The following MLXIPL variants were observed in gnomAD, a reference collection of about 807,000 sequenced individuals.
MLXIPL encodes MLX interacting protein like, also known as carbohydrate-responsive element-binding protein.
MLXIPL carries 49 observed loss-of-function variants against 81.5 expected under a neutral mutation model. The observed-to-expected ratio is 0.60, with a 90% CI of 0.48 to 0.76. The LOEUF (loss-of-function observed/expected upper bound fraction) is 0.76, where lower values mean the gene tolerates loss of function less well. Among genes scored for constraint, MLXIPL ranks in the 30% least tolerant of loss-of-function variants. The probability of loss-of-function intolerance (pLI) is 0.00; values close to 1 mark genes in which losing one functional copy is unlikely to be tolerated. For missense variants in MLXIPL, 1,053 were observed against 1,167.0 expected (o/e 0.90, Z 1.42); for synonymous variants, 466 against 485.5 (o/e 0.96, Z 0.53).
intron 2 of MLXIPL, among the ~76,000 whole-genome samples, chr7:73,613,987 T>A (rs1795852629): frequency 6.6e-6 from 1 of 152,062 alleles, no homozygotes; most frequent in Non-Finnish European, 1.5e-5. Flanking sequence ...AAATACAAAA[T>A]TTGGCGGGTG....
chr7:73,611,521 A>G (rs1386872845), intron 2 of MLXIPL: 1 of 152,256 alleles, frequency 6.6e-6, no homozygotes, highest in East Asian at 1.9e-4. Context: ...CCTAAAGAAC[A>G]TTCTCCAAAA....
chr7:73,624,461 C>T lies in MLXIPL; in HGVS notation c.32G>A (p.Gly11Asp). Residue 11 changes from glycine to aspartate, a missense_variant, in exon 1 of 17, where the codon GGC becomes GAC. Gly to Asp is a moderately conservative substitution (Grantham distance 94). Coordinates refer to ENST00000313375, the MANE Select transcript of MLXIPL (RefSeq NM_032951.3). The part of the protein sequence containing the change: MAGALAGLAA[G>D]LQVPRVAPSP... ...GGGCGCGACCCGCGGGACCTGCAAG[C>T]CCGCGGCCAGACCTGCCAGCGCGCC... 1 of 1,546,896 alleles carries T rather than the reference C, an allele frequency of 6.5e-7. No individual in the cohort carries two copies. Among genetic ancestry groups the T allele is most frequent in the Non-Finnish European group, 8.7e-7 (1 of 1,154,302 alleles).
chr7:73,634,392 TAAAAGGA>T, the MLXIPL span, among the ~76,000 whole-genome samples: 1 of 152,192 alleles, frequency 6.6e-6, no homozygotes, highest in East Asian at 1.9e-4. Flanking sequence ...TTATTTACTT[TAAAAGGA>T]AAATTTTTTT....
Position 73,594,419 on chromosome 7 carries a change from G to A in MLXIPL, c.2311-16C>T, listed in dbSNP as rs782424717. 3.7e-6 allele frequency: 6 copies of A among 1,600,086 alleles called. No individual in the cohort carries two copies. The South Asian group carries it at 4.4e-5, about 12-fold the overall frequency. On this transcript the variant is annotated splice_polypyrimidine_tract_variant and intron_variant, in intron 15 of 16. Coordinates refer to ENST00000313375, the MANE Select transcript of MLXIPL (RefSeq NM_032951.3). ...GGATGCTGAACTGGGCCCAGGTCAAGGAGCTGCCTGTGGTCCAGCTGGTCC... is the reference window on the plus strand; with the variant it reads ...GGATGCTGAACTGGGCCCAGGTCAAAGAGCTGCCTGTGGTCCAGCTGGTCC...
chr7:73,633,523 T>C, the MLXIPL span, among the ~76,000 whole-genome samples: 1 of 152,116 alleles, frequency 6.6e-6, no homozygotes, highest in Non-Finnish European at 1.5e-5. Context: ...GGTTTCGTCA[T>C]GTTGCCCAGG....
intron 2 of MLXIPL, among the ~76,000 whole-genome samples, 181 bp from the exon 3 acceptor site, chr7:73,607,853 CTTT>C (rs1166806013): frequency 2.7e-5 from 3 of 110,350 alleles, no homozygotes; most frequent in Admixed American, 1.9e-4. Context: ...CTAGATCTTC[CTTT>C]TTTTTTTTTT....
intron 2 of MLXIPL, among the ~76,000 whole-genome samples, chr7:73,612,385 A>G (rs550939287): frequency 6.6e-6 from 1 of 152,044 alleles, no homozygotes; most frequent in South Asian, 2.1e-4. Flanking sequence ...TCACGCCTGT[A>G]ATCCCAGCAC....
chr7:73,605,833 C>A, intron 6 of MLXIPL, 65 bp from the exon 7 acceptor site: 1 of 1,582,030 alleles, frequency 6.3e-7, no homozygotes, highest in African/African-American at 1.3e-5. Flanking sequence ...CACCCCCATC[C>A]CCAGCCATCC....
In MLXIPL at chr7:73,597,014, A is replaced by T. The variant is rs1161207478; in HGVS notation, c.1604-82T>A. The T allele has an allele frequency of 5.3e-6, 8 of 1,523,470 alleles. No individual in the cohort carries two copies. The Admixed American group carries it at 1.6e-4, about 30-fold the overall frequency. 94.4% of individuals were successfully genotyped at this position (1,523,470 alleles called of 1,614,324 possible). ...AAGACCCCATCCTGCCCCTCCCAAG[A>T]GTCCACACCCCTTTTAGGTACAGGC... is the stretch of plus-strand genomic sequence containing the variant. On this transcript the variant is annotated intron_variant, in intron 9 of 16. Transcript: ENST00000313375.
At chr7:73,598,585 C>T (rs978147608) in intron 8 of MLXIPL, among the ~76,000 whole-genome samples, 3 of 152,224 alleles carry the variant, frequency 2.0e-5, no homozygotes, top group African/African-American at 7.2e-5. Context: ...CATCTGCACA[C>T]TTGCTCATTC....
chr7:73,597,337 G>A lies in MLXIPL; in HGVS notation c.1448C>T (p.Ala483Val), dbSNP rs782737967. ...ELLPLGYSEPAFGPCFSMPRG... is the reference protein window; with the variant it reads ...ELLPLGYSEPVFGPCFSMPRG... ...GGGCATGGAGAAGCAAGGCCCAAAG[G>A]CAGGCTCCGAATACCCCAAGGGTAG... The change falls in exon 9 of 17, where the codon GCC becomes GTC. Residue 483 changes from alanine to valine, a missense_variant. Coordinates refer to ENST00000313375, the MANE Select transcript of MLXIPL (RefSeq NM_032951.3). 5 of 1,536,542 alleles carry A rather than the reference G, an allele frequency of 3.3e-6. No homozygotes were observed. Among genetic ancestry groups the A allele is most frequent in the Non-Finnish European group, 4.4e-6 (5 of 1,140,828 alleles).
At chr7:73,637,357 C>T in the MLXIPL span, among the ~76,000 whole-genome samples, 1 of 151,876 alleles carries the variant, frequency 6.6e-6, no homozygotes, top group Non-Finnish European at 1.5e-5. Flanking sequence ...CGCTTGTAAT[C>T]CCAGCTACTC....
chr7:73,616,187 G>GCAA lies in MLXIPL; in HGVS notation c.294-11_294-10insTTG, dbSNP rs782100431. On this transcript the variant is annotated splice_polypyrimidine_tract_variant and intron_variant, in intron 1 of 16. Coordinates refer to ENST00000313375, the MANE Select transcript of MLXIPL (RefSeq NM_032951.3). ...AGACACCAGCTTGCCACTGTCAAAGGGGAGAGGAGTAGGGTTAGGGAGATG... is the reference window on the plus strand; with the variant it reads ...AGACACCAGCTTGCCACTGTCAAAGGCAAGGAGAGGAGTAGGGTTAGGGAGATG... 6 of 1,606,288 alleles carry GCAA rather than the reference G, an allele frequency of 3.7e-6. No individual in the cohort carries two copies. The highest frequency in any genetic ancestry group is 5.1e-6 in the Non-Finnish European group (6 of 1,172,938).
intron 8 of MLXIPL, 109 bp from the exon 9 acceptor site, chr7:73,597,822 G>T: frequency 1.4e-6 from 1 of 714,234 alleles, no homozygotes; most frequent in Non-Finnish European, 2.0e-6. Context: ...CTAGACTGGG[G>T]CCCTGGGGAG....
the MLXIPL span, among the ~76,000 whole-genome samples, chr7:73,632,751 C>T: frequency 6.9e-4 from 45 of 65,642 alleles, no homozygotes; most frequent in African/African-American, 3.4e-3. Context: ...TCTTTCCTTC[C>T]TTCCTTCCTT....
intron 7 of MLXIPL, among the ~76,000 whole-genome samples, chr7:73,602,508 TA>T (rs112803524): frequency 0.14 from 19,335 of 141,292 alleles, 1,717 homozygotes; most frequent in African/African-American, 0.26. Context: ...CCGTTTCTAC[TA>T]AAAAAAAAAA....
Position 73,593,765 on chromosome 7 carries a change from C to T in MLXIPL, c.*100G>A. On this transcript the variant is annotated 3_prime_UTR_variant, in exon 17 of 17. Coordinates refer to ENST00000313375, the MANE Select transcript of MLXIPL (RefSeq NM_032951.3). Reference sequence around the variant, plus strand: ...CCCCCAGGGAAGGGCAGAGCCAGGGCCTGGGGCAGGAAGGGAGTGCCCAGA... The same window carrying T: ...CCCCCAGGGAAGGGCAGAGCCAGGGTCTGGGGCAGGAAGGGAGTGCCCAGA... 2 of 1,078,434 alleles carry T rather than the reference C, an allele frequency of 1.9e-6. No individual in the cohort carries two copies. The highest frequency in any genetic ancestry group is 1.3e-5 in the South Asian group (1 of 79,820). The allele number at this position is 1,078,434 out of a possible 1,614,324, so 66.8% of individuals were successfully genotyped here.
At position 73,606,101 on chromosome 7, in the gene MLXIPL, C is replaced by A; in HGVS notation, c.629G>T (p.Arg210Met). ...GCACCATTGCTCCGGCGGCGGCCAC[C>A]TGCCTTCCGCCTAGGGAGACAGAGC... ...DLLAPKQAEG[R>M]WPPPEQWCKQ... is the part of the protein sequence containing the mutation. Residue 210 changes from arginine to methionine, a missense_variant, in exon 6 of 17, where the codon AGG becomes ATG. Coordinates refer to ENST00000313375, the MANE Select transcript of MLXIPL (RefSeq NM_032951.3). The A allele has an allele frequency of 1.3e-6, 2 of 1,577,116 alleles. No individual in the cohort carries two copies. Among genetic ancestry groups the A allele is most frequent in the South Asian group, 2.3e-5 (2 of 86,366 alleles).
Position 73,607,627 on chromosome 7 carries a change from A to AG in MLXIPL, c.445dup (p.Leu149ProfsTer5), listed in dbSNP as rs1554598734. 2 of 1,613,334 alleles carry AG rather than the reference A, an allele frequency of 1.2e-6. No individual in the cohort carries two copies. The highest frequency in any genetic ancestry group is 8.5e-7 in the Non-Finnish European group (1 of 1,179,960). On this transcript the variant is annotated frameshift_variant, in exon 3 of 17. Transcript: ENST00000313375. LOFTEE classifies it high-confidence loss of function. ...GTGCGCATCAGCCTCAGGCCCCTGC[A>AG]GGGGGGTCACGAAGCCACACACGGG...
Sources: allele counts gnomAD v4.1 joint callset (sites outside exome capture counted in the v4.1 genomes callset), GRCh38; gene constraint gnomAD v4.1.1; transcripts MANE v1.5; gene names NCBI Gene and HGNC (gene_info 2026-07-23, HGNC 2026-07-21).